HEATR4: variants seen among roughly 807,000 people sequenced by gnomAD.
HEATR4 encodes the protein HEAT repeat-containing protein 4.
Under a neutral mutation model 108.8 loss-of-function variants are expected in HEATR4, and 95 were observed. The ratio of observed to expected loss-of-function variants is 0.87; its 90% CI spans 0.74 to 1.04. The LOEUF is 1.04. Among genes scored for constraint, HEATR4 ranks in the 50% least tolerant of loss-of-function variants. HEATR4 has a pLI of 0.00. For missense variants in HEATR4, 1,152 were observed against 1,253.8 expected (o/e 0.92, Z 1.23); for synonymous variants, 443 against 459.4 (o/e 0.96, Z 0.46).
chr14:73,632,966 G>C, the HEATR4 span, among the ~76,000 whole-genome samples: 5 of 151,276 alleles, frequency 3.3e-5, no homozygotes, highest in East Asian at 9.7e-4. Context: ...TATTTCCTTA[G>C]GGTATATATC....
At chr14:73,578,873 C>T in the HEATR4 span, among the ~76,000 whole-genome samples, 19 of 151,622 alleles carry the variant, frequency 1.3e-4, no homozygotes, top group East Asian at 2.7e-3. Flanking sequence ...GTCACGAGGT[C>T]GGGAGATCAA....
intron 10 of HEATR4, among the ~76,000 whole-genome samples, chr14:73,505,811 A>T (rs111648899): frequency 6.6e-6 from 1 of 151,014 alleles, no homozygotes; most frequent in Non-Finnish European, 1.5e-5. Flanking sequence ...TGAAGAACCA[A>T]TTTTGGCGGG....
At chr14:73,573,497 T>G in the HEATR4 span, 1 of 1,613,736 alleles carries the variant, frequency 6.2e-7, no homozygotes, top group Non-Finnish European at 8.5e-7. Flanking sequence ...TGGCTCTGGC[T>G]TATTATAACT....
Position 73,537,816 on chromosome 14 carries a change from C to T in HEATR4, c.-151-7572G>A. On this transcript the variant is annotated intron_variant, in intron 1 of 17. Coordinates refer to ENST00000553558, the MANE Select transcript of HEATR4 (RefSeq NM_001220484.1). ...CGGCACGAGCGCTACTTCCTCCCGC[C>T]CGGGGTGCGGCGCGAGCCGGTGCGC... 3 of 1,213,130 alleles carry T rather than the reference C, an allele frequency of 2.5e-6. 1 individual carries two copies. Among genetic ancestry groups the T allele is most frequent in the Non-Finnish European group, 3.2e-6 (3 of 924,924 alleles). The allele number at this position is 1,213,130 out of a possible 1,614,324, so 75.1% of individuals were successfully genotyped here. A position where few individuals can be genotyped will look rare whatever the true frequency, so the allele number is the denominator to read the frequency against.
the HEATR4 span, among the ~76,000 whole-genome samples, chr14:73,577,268 T>C: frequency 2.1e-5 from 3 of 145,132 alleles, no homozygotes; most frequent in Admixed American, 1.4e-4. Flanking sequence ...CATGGTTTTG[T>C]AGCAGTAGAA....
intron 11 of HEATR4, 47 bp downstream of exon 11, chr14:73,502,848 C>T: frequency 6.8e-7 from 1 of 1,478,186 alleles, no homozygotes; most frequent in Non-Finnish European, 9.5e-7. Flanking sequence ...CTCCTAAACA[C>T]TTCTAAGAAT....
At chr14:73,617,231 A>T in the HEATR4 span, 1 of 1,613,842 alleles carries the variant, frequency 6.2e-7, no homozygotes, top group South Asian at 1.1e-5. Flanking sequence ...AAGAGAGGGG[A>T]TAGAGCTGAT....
the HEATR4 span, chr14:73,591,892 G>T: frequency 1.8e-5 from 24 of 1,314,444 alleles, no homozygotes; most frequent in Non-Finnish European, 2.3e-5. Context: ...CCGGACATTC[G>T]GCGCGCTTGC....
intron 5 of HEATR4, among the ~76,000 whole-genome samples, chr14:73,514,802 CT>C (rs1887484637): frequency 6.6e-6 from 1 of 152,100 alleles, no homozygotes; most frequent in Non-Finnish European, 1.5e-5. Context: ...GGTACGGTGG[CT>C]TTTGCCTGTA....
chr14:73,507,721 C>T (rs145573972), intron 9 of HEATR4, among the ~76,000 whole-genome samples: 3,034 of 151,964 alleles, frequency 0.02, 114 homozygotes, highest in African/African-American at 0.069. Flanking sequence ...CAGGCGTGAG[C>T]GACCATGCCC....
chr14:73,503,660 A>T (rs1172737337), intron 10 of HEATR4, among the ~76,000 whole-genome samples: 2 of 151,496 alleles, frequency 1.3e-5, no homozygotes, highest in Non-Finnish European at 3.0e-5. Flanking sequence ...TAAAATAAAA[A>T]CATCTCCTTA....
intron 11 of HEATR4, among the ~76,000 whole-genome samples, chr14:73,501,591 T>G (rs1353091991): frequency 2.2e-5 from 3 of 136,808 alleles, no homozygotes; most frequent in Non-Finnish European, 3.3e-5. Flanking sequence ...TTTTTTTTTT[T>G]GAGATAGGGT....
intron 2 of HEATR4, among the ~76,000 whole-genome samples, chr14:73,525,878 G>A (rs1355538536): frequency 6.6e-6 from 1 of 151,826 alleles, no homozygotes; most frequent in Non-Finnish European, 1.5e-5. Context: ...GCTTGAACCT[G>A]GGAAGCAGAG....
the HEATR4 span, among the ~76,000 whole-genome samples, chr14:73,632,536 T>TA: frequency 2.4e-4 from 37 of 151,760 alleles, no homozygotes; most frequent in South Asian, 2.1e-4. Context: ...TTCTCTCTCT[T>TA]AAAAAAACAG....
At chr14:73,570,010 TTTCG>T in the HEATR4 span, 1 of 1,385,566 alleles carries the variant, frequency 7.2e-7, no homozygotes, top group Non-Finnish European at 9.5e-7. Context: ...CCCAGGCAGG[TTTCG>T]AATTCCTGGT....
At chr14:73,495,094 G>A in intron 16 of HEATR4, 134 bp downstream of exon 16, 1 of 646,524 alleles carries the variant, frequency 1.5e-6, no homozygotes, top group South Asian at 2.7e-5. Flanking sequence ...GTGGATGGTA[G>A]CCAAGAGGGA....
At chr14:73,538,362 C>T (rs904943493) in intron 1 of HEATR4, among the ~76,000 whole-genome samples, 1 of 114,370 alleles carries the variant, frequency 8.7e-6, no homozygotes, top group African/African-American at 2.9e-5. Flanking sequence ...GCCTGTAATC[C>T]CAGCACTTTG....
intron 4 of HEATR4, chr14:73,520,511 G>C (rs537002112): frequency 5.3e-6 from 1 of 190,136 alleles, no homozygotes; most frequent in African/African-American, 2.3e-5. Context: ...AGAATATCTC[G>C]AAGTGGGAGA....
At chr14:73,597,768 A>G in the HEATR4 span, among the ~76,000 whole-genome samples, 1 of 149,786 alleles carries the variant, frequency 6.7e-6, no homozygotes, top group Admixed American at 6.6e-5. Flanking sequence ...TAATTTTTGT[A>G]TTTTTAGTAG....
Sources: gnomAD v4.1 joint callset for allele counts (sites outside exome capture counted in the v4.1 genomes callset) on GRCh38, gnomAD v4.1.1 for gene constraint, MANE v1.5 for transcripts, NCBI Gene and HGNC (gene_info 2026-07-23, HGNC 2026-07-21) for gene names.